The following PTGER4 variants were observed in gnomAD, a reference collection of about 807,000 sequenced individuals.
The protein encoded by PTGER4 is prostaglandin E receptor 4.
Under a neutral mutation model 33.2 loss-of-function variants are expected in PTGER4, and 11 were observed. The ratio of observed to expected loss-of-function variants is 0.33; its 90% CI spans 0.21 to 0.55. The LOEUF is 0.55. Ranked by LOEUF, PTGER4 falls within the 20% of genes least tolerant of loss-of-function variation. PTGER4 has a pLI of 0.92. For missense variants in PTGER4, 481 were observed against 650.2 expected, an observed-to-expected ratio of 0.74 and a Z score of 2.83; for synonymous variants, 275 against 281.5, an observed-to-expected ratio of 0.98 and a Z score of 0.23.
chr5:40,725,352 C>T, the PTGER4 span, among the ~76,000 whole-genome samples: 1 of 151,990 alleles, frequency 6.6e-6, no homozygotes, highest in East Asian at 1.9e-4. Context: ...ACTTGTCCAT[C>T]CCATTACTAC....
At chr5:40,694,869 T>TAA (rs1741558074), downstream of PTGER4, among the ~76,000 whole-genome samples, 1 of 152,180 alleles carries the variant, frequency 6.6e-6, no homozygotes, top group African/African-American at 2.4e-5. Flanking sequence ...TTGTAAAACT[T>TAA]AACAGCTATG....
the PTGER4 span, among the ~76,000 whole-genome samples, chr5:40,727,337 T>C: frequency 6.6e-6 from 1 of 152,182 alleles, no homozygotes; most frequent in African/African-American, 2.4e-5. Context: ...GTATATTAGA[T>C]TTGCAAACAC....
chr5:40,730,400 C>CA, the PTGER4 span: 47 of 1,437,662 alleles, frequency 3.3e-5, no homozygotes, highest in South Asian at 4.8e-5. Flanking sequence ...TTTGGACTTT[C>CA]AAAAAAAAAT....
the PTGER4 span, among the ~76,000 whole-genome samples, chr5:40,711,489 G>A: frequency 6.6e-6 from 1 of 152,198 alleles, no homozygotes; most frequent in South Asian, 2.1e-4. Context: ...TTCCTTTAAA[G>A]TTGTGCATAA....
the PTGER4 span, among the ~76,000 whole-genome samples, chr5:40,742,720 G>T: frequency 6.6e-6 from 1 of 152,102 alleles, no homozygotes; most frequent in Non-Finnish European, 1.5e-5. Flanking sequence ...CCAGAATAGA[G>T]CAATTATTAT....
chr5:40,700,828 T>C, the PTGER4 span, among the ~76,000 whole-genome samples: 29 of 152,230 alleles, frequency 1.9e-4, no homozygotes, highest in Non-Finnish European at 3.7e-4. Flanking sequence ...TGAGGAACCA[T>C]AGGGGAGCCA....
the PTGER4 span, among the ~76,000 whole-genome samples, chr5:40,721,265 C>T: frequency 6.6e-6 from 1 of 152,184 alleles, no homozygotes; most frequent in East Asian, 1.9e-4. Context: ...GCTATCACCC[C>T]TTCCCTGAGC....
chr5:40,695,444 AGT>A (rs1238075839), downstream of PTGER4, among the ~76,000 whole-genome samples: 1 of 14,868 alleles, frequency 6.7e-5, no homozygotes, highest in Non-Finnish European at 1.5e-4. Flanking sequence ...TGGGAGGCTG[AGT>A]GAGGCAGGAG....
the PTGER4 span, among the ~76,000 whole-genome samples, chr5:40,713,404 C>G: frequency 2.0e-5 from 3 of 152,088 alleles, no homozygotes; most frequent in Non-Finnish European, 4.4e-5. Context: ...TGAGACAGAG[C>G]TTTTAAAAAA....
the PTGER4 span, chr5:40,716,446 A>G: frequency 6.2e-7 from 1 of 1,613,480 alleles, no homozygotes; most frequent in Non-Finnish European, 8.5e-7. Context: ...TTCTTTCCAT[A>G]TTTCAGGGTT....
rs760444873 is a variant in PTGER4 at position 40,681,213 on chromosome 5, C to T, written c.220C>T (p.Pro74Ser). Residue 74 changes from proline to serine, a missense_variant, in exon 2 of 3, where the codon CCG becomes TCG. By Grantham distance (74) the Pro-to-Ser change is moderately conservative. This residue lies in a region of PTGER4 where 61 missense variants were observed against 145.2 expected (regional missense o/e 0.42). Coordinates refer to ENST00000302472, the MANE Select transcript of PTGER4 (RefSeq NM_000958.3). This position sits in a 1 kb window ranked among gnomAD's most constrained non-coding sequence, Gnocchi z 9.8. ...TDLLGTLLVSPVTIATYMKGQ... is the reference protein window; with the variant it reads ...TDLLGTLLVSSVTIATYMKGQ... ...CCTGTTGGGCACTTTGTTGGTGAGC[C>T]CGGTGACCATCGCCACGTACATGAA... is the stretch of plus-strand genomic sequence containing the variant. The T allele has an allele frequency of 6.2e-7, 1 of 1,614,082 alleles. No homozygotes were observed. The highest frequency in any genetic ancestry group is 1.1e-5 in the South Asian group (1 of 91,074).
chr5:40,697,849 C>A (rs7708680), downstream of PTGER4, among the ~76,000 whole-genome samples: 100,625 of 151,054 alleles, frequency 0.67, 33,695 homozygotes, highest in East Asian at 0.8. Flanking sequence ...AATATACAGT[C>A]AGGTACAGCG....
intron 2 of PTGER4, among the ~76,000 whole-genome samples, chr5:40,689,676 T>G (rs1741420569): frequency 6.6e-6 from 1 of 152,176 alleles, no homozygotes. Flanking sequence ...CATTCATTGT[T>G]ACGCTGTATA....
chr5:40,728,111 G>A, the PTGER4 span, among the ~76,000 whole-genome samples: 5 of 151,520 alleles, frequency 3.3e-5, no homozygotes, highest in Admixed American at 2.0e-4. Flanking sequence ...GTGACACCCC[G>A]TCTCTACTAA....
chr5:40,739,086 C>T, the PTGER4 span, among the ~76,000 whole-genome samples: 92 of 152,228 alleles, frequency 6.0e-4, no homozygotes, highest in African/African-American at 2.1e-3. Flanking sequence ...ATTTCTGTAT[C>T]ATATATTATT....
At position 40,683,660 on chromosome 5, in the gene PTGER4, T is replaced by C. The variant is rs927980548; in HGVS notation, c.867+1800T>C. On this transcript the variant is annotated intron_variant, in intron 2 of 2. Transcript: ENST00000302472. This position sits in a 1 kb window ranked among gnomAD's most constrained non-coding sequence, Gnocchi z 4.2. ...GGTTGGAAGTAAGCATGTAAAGCTATGGATTTCTGCACAGCCACGGATGAA... is the reference window on the plus strand; with the variant it reads ...GGTTGGAAGTAAGCATGTAAAGCTACGGATTTCTGCACAGCCACGGATGAA... 2.0e-5 allele frequency among the ~76,000 whole-genome samples: 3 copies of C among 152,242 alleles called. No homozygotes were observed. Among genetic ancestry groups the C allele is most frequent in the African/African-American group, 7.2e-5 (3 of 41,460 alleles).
the PTGER4 span, among the ~76,000 whole-genome samples, chr5:40,704,906 A>G: frequency 1.3e-5 from 2 of 152,220 alleles, no homozygotes; most frequent in Non-Finnish European, 2.9e-5. Context: ...TACCCAAAGC[A>G]ATTTACAGAT....
the PTGER4 span, among the ~76,000 whole-genome samples, chr5:40,736,983 G>C: frequency 6.6e-6 from 1 of 152,112 alleles, no homozygotes; most frequent in Non-Finnish European, 1.5e-5. Flanking sequence ...AATACTCTAA[G>C]GTAAGACTTC....
In PTGER4 at chr5:40,681,651, C is replaced by A. The variant is rs1429053672; in HGVS notation, c.658C>A (p.Arg220Ser). 6.3e-7 allele frequency: 1 copy of A among 1,597,138 alleles called. No homozygotes were observed. Among genetic ancestry groups the A allele is most frequent in the South Asian group, 1.1e-5 (1 of 90,366 alleles). Residue 220 changes from arginine to serine, a missense_variant, in exon 2 of 3, where the codon CGC (arginine) becomes AGC (serine). Arg to Ser is a moderately radical substitution (Grantham distance 110). This residue lies in a region of PTGER4 where 174 missense variants were observed against 210.5 expected (regional missense o/e 0.83). Transcript: ENST00000302472. The surrounding 1 kb of genome is among the most constrained non-coding windows in gnomAD (Gnocchi z 9.8). ...LLRMHRQFMR[R>S]TSLGTEQHHA... Reference sequence around the variant, plus strand: ...CCGCATGCACCGCCAGTTCATGCGCCGCACCTCGCTGGGCACCGAGCAGCA... The same window carrying A: ...CCGCATGCACCGCCAGTTCATGCGCAGCACCTCGCTGGGCACCGAGCAGCA...
Sources: allele counts gnomAD v4.1 joint callset (sites outside exome capture counted in the v4.1 genomes callset), GRCh38; gene constraint gnomAD v4.1.1; regional missense constraint gnomAD v4.1.1; non-coding constraint Gnocchi (gnomAD v3.1); transcripts MANE v1.5; gene names NCBI Gene and HGNC (gene_info 2026-07-23, HGNC 2026-07-21).